ADORA2B: variants seen among roughly 807,000 people sequenced by gnomAD.
The protein encoded by ADORA2B is adenosine A2b receptor.
In ADORA2B, 18 loss-of-function variants were observed where a neutral mutation model predicts 20.8. That is an observed-to-expected ratio of 0.87 (90% CI 0.60 to 1.29). The LOEUF is 1.29. ADORA2B is among the 50% of genes most tolerant of loss of function. The probability of loss-of-function intolerance (pLI) is 0.00; values close to 1 mark genes in which losing one functional copy is unlikely to be tolerated. For missense variants in ADORA2B, 441 were observed against 422.7 expected (o/e 1.04, Z -0.38); for synonymous variants, 179 against 178.3 (o/e 1.00, Z -0.03).
the ADORA2B span, among the ~76,000 whole-genome samples, chr17:15,881,292 G>C: frequency 1.3e-5 from 2 of 152,020 alleles, no homozygotes; most frequent in African/African-American, 4.8e-5. Flanking sequence ...TAGTAGAGAC[G>C]GGGTTTCACT....
intron 1 of ADORA2B, among the ~76,000 whole-genome samples, chr17:15,959,494 A>ATTTTTTTT (rs56097835): frequency 1.3e-5 from 1 of 75,954 alleles, no homozygotes; most frequent in Non-Finnish European, 2.7e-5. Flanking sequence ...TCACATTCTG[A>ATTTTTTTT]TTTTTTTTTT....
the ADORA2B span, among the ~76,000 whole-genome samples, chr17:15,906,229 T>G: frequency 6.6e-6 from 1 of 152,258 alleles, no homozygotes; most frequent in African/African-American, 2.4e-5. Flanking sequence ...TTATTAAGTA[T>G]GATGTTAGTT....
the ADORA2B span, among the ~76,000 whole-genome samples, chr17:15,857,132 G>A: frequency 6.6e-6 from 1 of 152,196 alleles, no homozygotes; most frequent in Non-Finnish European, 1.5e-5. Context: ...GGCCAGAAGG[G>A]GCCAATGTAC....
In ADORA2B at chr17:15,950,891, C is replaced by T. The variant is rs948769250; in HGVS notation, c.335+5308C>T. ...CTTCTCAGCCACTGCATTGGTTTAC[C>T]GCCATCTCTAGTTATCCCATTAAAC... On this transcript the variant is annotated intron_variant, in intron 1 of 1. Transcript: ENST00000304222. Among the ~76,000 whole-genome samples, 3 of 150,506 alleles carry T rather than the reference C, an allele frequency of 2.0e-5. No homozygotes were observed. The East Asian group carries it at 5.8e-4, about 29-fold the overall frequency.
At chr17:15,870,616 T>A in the ADORA2B span, among the ~76,000 whole-genome samples, 1 of 150,082 alleles carries the variant, frequency 6.7e-6, no homozygotes, top group Non-Finnish European at 1.5e-5. Flanking sequence ...CCAAACTGAA[T>A]CTTGTTTTAA....
chr17:15,951,275 C>G (rs1160471210), intron 1 of ADORA2B, among the ~76,000 whole-genome samples: 1 of 152,180 alleles, frequency 6.6e-6, no homozygotes, highest in Non-Finnish European at 1.5e-5. Flanking sequence ...GCAGAGGTGT[C>G]CGGGGACTGC....
At chr17:15,923,623 GTC>G in the ADORA2B span, among the ~76,000 whole-genome samples, 1 of 151,658 alleles carries the variant, frequency 6.6e-6, no homozygotes, top group East Asian at 1.9e-4. Context: ...AGCCAGGATG[GTC>G]TCAATCTCCT....
intron 1 of ADORA2B, among the ~76,000 whole-genome samples, chr17:15,964,495 G>C (rs1315584688): frequency 6.6e-6 from 1 of 151,296 alleles, no homozygotes; most frequent in Non-Finnish European, 1.5e-5. Flanking sequence ...TGTAATCCCA[G>C]CTACTCAGGA....
the ADORA2B span, among the ~76,000 whole-genome samples, chr17:15,923,232 T>A: frequency 6.9e-6 from 1 of 144,524 alleles, no homozygotes; most frequent in Non-Finnish European, 1.5e-5. Flanking sequence ...GTATTTTTAG[T>A]AGAGATGGGG....
the ADORA2B span, among the ~76,000 whole-genome samples, chr17:15,878,141 T>C: frequency 5.9e-5 from 9 of 151,484 alleles, no homozygotes; most frequent in African/African-American, 2.2e-4. Context: ...ATCATATCTG[T>C]CACAGAGGTT....
At chr17:15,863,074 A>G in the ADORA2B span, among the ~76,000 whole-genome samples, 12,386 of 151,998 alleles carry the variant, frequency 0.081, 1,415 homozygotes, top group African/African-American at 0.25. Context: ...GATATTACAT[A>G]TTGTCCTGTT....
At chr17:15,971,629 ATTT>A (rs34445090) in intron 1 of ADORA2B, among the ~76,000 whole-genome samples, 3 of 127,930 alleles carry the variant, frequency 2.3e-5, no homozygotes, top group Non-Finnish European at 3.2e-5. Context: ...TGTAATGGCC[ATTT>A]TTTTTTTTTT....
chr17:15,908,641 G>A, the ADORA2B span: 1 of 173,734 alleles, frequency 5.8e-6, no homozygotes. Flanking sequence ...AACCCATGAG[G>A]GCCTGCAGCA....
the ADORA2B span, among the ~76,000 whole-genome samples, chr17:15,914,179 G>A: frequency 1.3e-5 from 2 of 152,048 alleles, no homozygotes; most frequent in Admixed American, 6.6e-5. Context: ...ACCTATAGTT[G>A]GAAGAAAAAA....
the ADORA2B span, among the ~76,000 whole-genome samples, chr17:15,938,577 C>T: frequency 2.0e-5 from 3 of 152,214 alleles, no homozygotes; most frequent in South Asian, 6.2e-4. Context: ...GCTGGGATTA[C>T]AGGCATGAGC....
chr17:15,953,607 T>A (rs148668728), intron 1 of ADORA2B, among the ~76,000 whole-genome samples: 34 of 152,308 alleles, frequency 2.2e-4, no homozygotes, highest in African/African-American at 7.9e-4. Flanking sequence ...ATGTTTTGAT[T>A]TTTTTCCTGT....
chr17:15,922,750 C>T, the ADORA2B span, among the ~76,000 whole-genome samples: 1 of 152,204 alleles, frequency 6.6e-6, no homozygotes, highest in African/African-American at 2.4e-5. Context: ...TCTGACGGAA[C>T]ATGCCAAATT....
the ADORA2B span, among the ~76,000 whole-genome samples, chr17:15,868,479 T>C: frequency 7.2e-6 from 1 of 139,540 alleles, no homozygotes; most frequent in African/African-American, 2.5e-5. Context: ...GTATAAGAAA[T>C]TGTTTATTCA....
intron 1 of ADORA2B, among the ~76,000 whole-genome samples, chr17:15,964,369 G>C (rs1351888345): frequency 2.6e-5 from 4 of 152,044 alleles, no homozygotes; most frequent in Non-Finnish European, 4.4e-5. Context: ...CACTTTGGGA[G>C]GCCAAGATTG....
Sources: allele counts gnomAD v4.1 joint callset (sites outside exome capture counted in the v4.1 genomes callset), GRCh38; gene constraint gnomAD v4.1.1; transcripts MANE v1.5; gene names NCBI Gene and HGNC (gene_info 2026-07-23, HGNC 2026-07-21).